SNX24: variants seen among roughly 807,000 people sequenced by gnomAD.
SNX24 encodes sorting nexin 24.
In SNX24, 22 loss-of-function variants were observed where a neutral mutation model predicts 28.7. The ratio of observed to expected loss-of-function variants is 0.77; its 90% CI spans 0.55 to 1.10. SNX24 has a LOEUF of 1.10. Among genes scored for constraint, SNX24 ranks in the 50% least tolerant of loss-of-function variants. The pLI is 0.00. For synonymous variants in SNX24, 69 were observed against 71.5 expected (o/e 0.96, Z 0.18); for missense variants, 221 against 201.1 (o/e 1.10, Z -0.60).
At chr5:122,867,674 G>A (rs1407376364) in intron 1 of SNX24, among the ~76,000 whole-genome samples, 2 of 152,138 alleles carry the variant, frequency 1.3e-5, no homozygotes, top group East Asian at 3.9e-4. Context: ...AGGCTGACTT[G>A]TAGGCACAGA....
At chr5:122,908,773 G>A (rs1359719509) in intron 1 of SNX24, among the ~76,000 whole-genome samples, 1 of 152,156 alleles carries the variant, frequency 6.6e-6, no homozygotes, top group Non-Finnish European at 1.5e-5. Flanking sequence ...AGGAAGAAGA[G>A]GACTGTTTCT....
chr5:122,889,991 A>T (rs1333216760), intron 1 of SNX24, among the ~76,000 whole-genome samples: 1 of 151,222 alleles, frequency 6.6e-6, no homozygotes, highest in Non-Finnish European at 1.5e-5. Context: ...AGTCTCCTTC[A>T]ATCTGGAACT....
At chr5:122,855,996 C>T (rs555494828) in intron 1 of SNX24, among the ~76,000 whole-genome samples, 14 of 152,208 alleles carry the variant, frequency 9.2e-5, no homozygotes, top group African/African-American at 3.4e-4. Flanking sequence ...TTCGGGGGTA[C>T]ATGTGCAGGT....
chr5:122,900,369 T>G (rs27891), intron 1 of SNX24, among the ~76,000 whole-genome samples: 109,444 of 152,064 alleles, frequency 0.72, 40,128 homozygotes, highest in East Asian at 0.99. Context: ...ATTAAAACGT[T>G]TTTTTTAAAA....
intron 3 of SNX24, among the ~76,000 whole-genome samples, chr5:122,951,779 C>T (rs963158061): frequency 7.9e-5 from 12 of 152,276 alleles, no homozygotes; most frequent in Admixed American, 4.6e-4. Flanking sequence ...AGCAGCAGTC[C>T]GAACTCAGTC....
chr5:122,919,215 G>T (rs1758311034), intron 1 of SNX24, among the ~76,000 whole-genome samples: 2 of 152,208 alleles, frequency 1.3e-5, no homozygotes, highest in African/African-American at 2.4e-5. Flanking sequence ...GACTGTTTGT[G>T]CAAAGAGGCA....
intron 1 of SNX24, among the ~76,000 whole-genome samples, chr5:122,851,014 C>T (rs529047036): frequency 2.0e-5 from 3 of 152,222 alleles, no homozygotes; most frequent in African/African-American, 7.2e-5. Context: ...GACAGCAGTC[C>T]ATTCTAAGAA....
chr5:122,981,572 C>G (rs1336255494), intron 3 of SNX24, among the ~76,000 whole-genome samples: 1 of 152,184 alleles, frequency 6.6e-6, no homozygotes, highest in African/African-American at 2.4e-5. Context: ...CAATATTTGC[C>G]TCATGCCCAT....
At chr5:122,903,400 C>G (rs1484999264) in intron 1 of SNX24, among the ~76,000 whole-genome samples, 3 of 152,198 alleles carry the variant, frequency 2.0e-5, no homozygotes. Context: ...CCTGAGCCAG[C>G]CACAGTGCCA....
At chr5:122,955,808 G>A (rs1760181545) in intron 3 of SNX24, among the ~76,000 whole-genome samples, 2 of 152,174 alleles carry the variant, frequency 1.3e-5, no homozygotes, top group Non-Finnish European at 2.9e-5. Flanking sequence ...ACATTACCAA[G>A]TGGTGAAAGC....
At chr5:122,992,580 G>A (rs76868375) in intron 3 of SNX24, among the ~76,000 whole-genome samples, 1 of 152,198 alleles carries the variant, frequency 6.6e-6, no homozygotes, top group Non-Finnish European at 1.5e-5. Flanking sequence ...CAGCTCAAGG[G>A]TCACTTCCCC....
chr5:122,990,613 T>C (rs149329492), intron 3 of SNX24, among the ~76,000 whole-genome samples: 2 of 152,288 alleles, frequency 1.3e-5, no homozygotes, highest in Non-Finnish European at 1.5e-5. Context: ...TCAACACATA[T>C]GGGCTGTGCT....
chr5:122,900,061 C>T (rs1757367073), intron 1 of SNX24, among the ~76,000 whole-genome samples: 2 of 151,978 alleles, frequency 1.3e-5, no homozygotes, highest in East Asian at 1.9e-4. Flanking sequence ...GCTCTGTTGC[C>T]CAGGCTGGAG....
At chr5:122,885,063 C>G (rs896559756) in intron 1 of SNX24, among the ~76,000 whole-genome samples, 1 of 152,044 alleles carries the variant, frequency 6.6e-6, no homozygotes, top group Non-Finnish European at 1.5e-5. Context: ...CAAGTCAAAT[C>G]TTGTTATTTT....
chr5:123,007,658 T>C (rs779823773), intron 6 of SNX24, 24 bp from the exon 7 acceptor site: 48 of 1,537,728 alleles, frequency 3.1e-5, no homozygotes, highest in Non-Finnish European at 3.3e-5. Flanking sequence ...CTTTTTTTTT[T>C]CTTTTTTTTT....
At chr5:122,945,669 T>C (rs1759649415) in intron 2 of SNX24, among the ~76,000 whole-genome samples, 1 of 152,216 alleles carries the variant, frequency 6.6e-6, no homozygotes, top group East Asian at 1.9e-4. Flanking sequence ...ATGAAAAACA[T>C]GTAGAAAGAC....
At chr5:122,968,019 T>C (rs942366096) in intron 3 of SNX24, among the ~76,000 whole-genome samples, 1 of 152,240 alleles carries the variant, frequency 6.6e-6, no homozygotes, top group African/African-American at 2.4e-5. Flanking sequence ...TGAACATGGA[T>C]GTTTTTAAAA....
rs968113653 is a variant in SNX24 at position 122,884,236 on chromosome 5, C to T, written c.60+38543C>T. 2.1e-5 allele frequency among the ~76,000 whole-genome samples: 3 copies of T among 141,450 alleles called. 1 individual carries two copies. The Admixed American group carries it at 2.2e-4, about 10-fold the overall frequency. The allele number at this position is 141,450 out of a possible 152,430, so 92.8% of individuals were successfully genotyped here. A position where few individuals can be genotyped will look rare whatever the true frequency, so the allele number is the denominator to read the frequency against. On this transcript the variant is annotated intron_variant, in intron 1 of 6. Coordinates refer to ENST00000261369, the MANE Select transcript of SNX24 (RefSeq NM_014035.4). ...TATTGCTGCCTTGAATAATTACCCT[C>T]AATTGTTTCTTTTTCTTTTTTTTTT...
intron 1 of SNX24, among the ~76,000 whole-genome samples, chr5:122,856,986 T>C (rs1394613912): frequency 1.3e-5 from 2 of 152,166 alleles, no homozygotes; most frequent in African/African-American, 4.8e-5. Context: ...TGAGATGATA[T>C]GTCATTGTTG....
Sources: allele counts gnomAD v4.1 joint callset (sites outside exome capture counted in the v4.1 genomes callset), GRCh38; gene constraint gnomAD v4.1.1; transcripts MANE v1.5; gene names NCBI Gene and HGNC (gene_info 2026-07-23, HGNC 2026-07-21).